Variants in AHCY observed in about 807,000 individuals in gnomAD.
AHCY encodes the protein S-adenosyl-L-homocysteine hydrolase.
A neutral mutation model predicts 45.4 loss-of-function variants in AHCY; 24 were observed. The ratio of observed to expected loss-of-function variants is 0.53; its 90% CI spans 0.38 to 0.74. The LOEUF is 0.74. Ranked by LOEUF, AHCY falls within the 30% of genes least tolerant of loss-of-function variation. The pLI is 0.00. For missense variants in AHCY, 449 were observed against 594.1 expected, an observed-to-expected ratio of 0.76 and a Z score of 2.54; for synonymous variants, 245 against 235.1, an observed-to-expected ratio of 1.04 and a Z score of -0.39.
the AHCY span, chr20:34,260,388 G>A: frequency 6.8e-6 from 11 of 1,613,416 alleles, no homozygotes; most frequent in East Asian, 4.5e-5. Context: ...GATGTCACCC[G>A]CTTACTCCTG....
At chr20:34,247,195 A>G in the AHCY span, among the ~76,000 whole-genome samples, 1 of 150,932 alleles carries the variant, frequency 6.6e-6, no homozygotes, top group Non-Finnish European at 1.5e-5. Flanking sequence ...CTAAATAGCT[A>G]TTTTTAGAAA....
At chr20:34,260,444 C>T in the AHCY span, 1 of 1,614,184 alleles carries the variant, frequency 6.2e-7, no homozygotes, top group Non-Finnish European at 8.5e-7. Flanking sequence ...CAACAGCCAC[C>T]TGCCACCTGA....
At chr20:34,247,094 G>A in the AHCY span, among the ~76,000 whole-genome samples, 1 of 151,978 alleles carries the variant, frequency 6.6e-6, no homozygotes, top group African/African-American at 2.4e-5. Flanking sequence ...CCAGGCTTAG[G>A]TGATCCACCT....
the AHCY span, among the ~76,000 whole-genome samples, chr20:34,274,825 G>A: frequency 8.5e-5 from 13 of 152,142 alleles, no homozygotes; most frequent in African/African-American, 1.2e-4. Flanking sequence ...GTGGTGGCAC[G>A]CGCCTGTAGT....
chr20:34,294,033 G>T, intron 3 of AHCY, 48 bp downstream of exon 3: 1 of 1,572,746 alleles, frequency 6.4e-7, no homozygotes. Flanking sequence ...AGCAAAGAGG[G>T]CAGAATCCCT....
intron 1 of AHCY, among the ~76,000 whole-genome samples, chr20:34,309,983 T>TG (rs1198080940): frequency 6.7e-6 from 1 of 149,862 alleles, no homozygotes; most frequent in Non-Finnish European, 1.5e-5. Context: ...ACCATGGAGG[T>TG]GGAGGGGTGC....
At chr20:34,256,018 G>A in the AHCY span, among the ~76,000 whole-genome samples, 2 of 152,242 alleles carry the variant, frequency 1.3e-5, no homozygotes, top group Non-Finnish European at 2.9e-5. Flanking sequence ...GTGCTTCAGC[G>A]GTCACGCTCC....
At chr20:34,276,165 G>A (rs2035908922), downstream of AHCY, among the ~76,000 whole-genome samples, 1 of 152,130 alleles carries the variant, frequency 6.6e-6, no homozygotes, top group Non-Finnish European at 1.5e-5. Flanking sequence ...AGGCACAGAG[G>A]CAAATTCTAC....
chr20:34,235,793 GAAAGAAA>G, the AHCY span, among the ~76,000 whole-genome samples: 1 of 41,498 alleles, frequency 2.4e-5, no homozygotes, highest in African/African-American at 2.3e-4. Context: ...AAAGAAGAAA[GAAAGAAA>G]GAAAGAAAGA....
intron 1 of AHCY, among the ~76,000 whole-genome samples, chr20:34,308,739 C>T (rs1004065391): frequency 1.3e-5 from 2 of 151,416 alleles, no homozygotes; most frequent in Middle Eastern, 3.4e-3. Context: ...CTGCAACCTC[C>T]GCCTCCCGGG....
At position 34,280,720 on chromosome 20, in the gene AHCY, T is replaced by C; in HGVS notation, c.*314A>G. 3 of 422,552 alleles carry C rather than the reference T, an allele frequency of 7.1e-6. No homozygotes were observed. Among genetic ancestry groups the C allele is most frequent in the Non-Finnish European group, 8.9e-6 (2 of 224,114 alleles). 26.2% of individuals were successfully genotyped at this position (422,552 alleles called of 1,614,324 possible). On this transcript the variant is annotated 3_prime_UTR_variant, in exon 10 of 10. Transcript: ENST00000217426. ...GCCTAGATGGCAAAACACATGGGCT[T>C]TGTGACTCCACTACTGACTTCCAGG...
the AHCY span, among the ~76,000 whole-genome samples, chr20:34,273,894 G>T: frequency 6.6e-6 from 1 of 152,168 alleles, no homozygotes; most frequent in African/African-American, 2.4e-5. Flanking sequence ...CAGAAAGGAG[G>T]TTTCTATTAA....
intron 1 of AHCY, among the ~76,000 whole-genome samples, chr20:34,300,750 A>G (rs907512824): frequency 3.3e-5 from 5 of 152,202 alleles, no homozygotes; most frequent in Non-Finnish European, 4.4e-5. Context: ...CAGAGACCAG[A>G]TTTGTCTTTT....
At chr20:34,308,634 T>C (rs1490162061) in intron 1 of AHCY, among the ~76,000 whole-genome samples, 1 of 151,934 alleles carries the variant, frequency 6.6e-6, no homozygotes, top group Non-Finnish European at 1.5e-5. Context: ...ACCAAATTTC[T>C]GAAGGGTAAT....
At chr20:34,300,209 C>T (rs2036724090) in intron 1 of AHCY, among the ~76,000 whole-genome samples, 1 of 152,034 alleles carries the variant, frequency 6.6e-6, no homozygotes, top group African/African-American at 2.4e-5. Context: ...GAAATAAATA[C>T]ACTGCCACTT....
At chr20:34,283,892 T>C (rs2036084408) in intron 9 of AHCY, among the ~76,000 whole-genome samples, 1 of 152,160 alleles carries the variant, frequency 6.6e-6, no homozygotes, top group Non-Finnish European at 1.5e-5. Flanking sequence ...GTAGACCCCA[T>C]CACAGCTTCT....
chr20:34,250,177 AC>A, the AHCY span: 1 of 151,822 alleles, frequency 6.6e-6, no homozygotes, highest in East Asian at 1.9e-4. Context: ...GAGCCCAGTC[AC>A]CTCCCCTCCA....
chr20:34,304,057 A>T (rs1312950312), upstream of AHCY, among the ~76,000 whole-genome samples: 1 of 152,222 alleles, frequency 6.6e-6, no homozygotes, highest in Non-Finnish European at 1.5e-5. Flanking sequence ...CATCCCAAAC[A>T]TTCGCCTTAC....
chr20:34,269,412 C>T, the AHCY span: 1 of 500,106 alleles, frequency 2.0e-6, no homozygotes, highest in South Asian at 3.5e-5. Flanking sequence ...GAGTCCCGCG[C>T]TGCTCTCCCG....
Sources: allele counts gnomAD v4.1 joint callset (sites outside exome capture counted in the v4.1 genomes callset), GRCh38; gene constraint gnomAD v4.1.1; transcripts MANE v1.5; gene names NCBI Gene and HGNC (gene_info 2026-07-23, HGNC 2026-07-21).